NCAM1: variants seen among roughly 807,000 people sequenced by gnomAD.
NCAM1 encodes neural cell adhesion molecule 1.
In NCAM1, 14 loss-of-function variants were observed where a neutral mutation model predicts 109.8. The observed-to-expected ratio is 0.13, with a 90% CI of 0.08 to 0.20. The LOEUF is 0.20. Among genes scored for constraint, NCAM1 ranks in the 10% least tolerant of loss-of-function variants. The pLI is 1.00. For synonymous variants in NCAM1, 418 were observed against 442.9 expected (o/e 0.94, Z 0.70); for missense variants, 774 against 1,109.9 (o/e 0.70, Z 4.30).
chr11:112,995,580 G>A (rs1436987586), intron 1 of NCAM1, among the ~76,000 whole-genome samples: 2 of 152,172 alleles, frequency 1.3e-5, no homozygotes, highest in African/African-American at 4.8e-5. Flanking sequence ...GTGCTATTTT[G>A]AGCAGAGATT....
intron 1 of NCAM1, among the ~76,000 whole-genome samples, chr11:113,012,855 C>T (rs1381630892): frequency 2.6e-5 from 4 of 152,108 alleles, no homozygotes; most frequent in Admixed American, 2.0e-4. Context: ...TTTGGGAGAA[C>T]ATTATTCAAC....
intron 14 of NCAM1, among the ~76,000 whole-genome samples, chr11:113,242,258 A>G (rs551175967): frequency 9.1e-4 from 139 of 152,338 alleles, no homozygotes; most frequent in Non-Finnish European, 1.7e-3. Context: ...CTCTTGCTGC[A>G]TGAAAGTCAT....
intron 8 of NCAM1, among the ~76,000 whole-genome samples, chr11:113,220,671 G>A (rs1463498221): frequency 4.4e-5 from 6 of 137,348 alleles, no homozygotes; most frequent in Non-Finnish European, 7.6e-5. Context: ...GCAGTGGTGC[G>A]ATCTCGCTCA....
At chr11:113,101,122 A>G (rs1939856333) in intron 1 of NCAM1, among the ~76,000 whole-genome samples, 1 of 151,962 alleles carries the variant, frequency 6.6e-6, no homozygotes, top group South Asian at 2.1e-4. Flanking sequence ...TTCTTGGGAG[A>G]GTTAAGGAAG....
intron 1 of NCAM1, among the ~76,000 whole-genome samples, chr11:113,097,409 G>T (rs1939649723): frequency 6.6e-6 from 1 of 152,168 alleles, no homozygotes; most frequent in Non-Finnish European, 1.5e-5. Flanking sequence ...TACCAAGGTA[G>T]AAATTGAGTA....
rs1423949391 is a variant in NCAM1, at chr11:113,276,590, A to G, written c.*1203A>G. On this transcript the variant is annotated 3_prime_UTR_variant, in exon 20 of 20. Coordinates refer to ENST00000316851, the MANE Select transcript of NCAM1 (RefSeq NM_181351.5). ...TTGTGTAGAAAGCCAAATAAAATCT[A>G]TACATACCATTTCCTTTTGAGCCCA... is the stretch of plus-strand genomic sequence containing the variant. 6.6e-6 allele frequency: 1 copy of G among 152,658 alleles called. No individual in the cohort carries two copies. Among genetic ancestry groups the G allele is most frequent in the East Asian group, 1.9e-4 (1 of 5,204 alleles). 9.5% of individuals were successfully genotyped at this position (152,658 alleles called of 1,614,324 possible).
At chr11:113,235,467 G>C (rs1363770499) in intron 14 of NCAM1, among the ~76,000 whole-genome samples, 1 of 152,210 alleles carries the variant, frequency 6.6e-6, no homozygotes, top group Non-Finnish European at 1.5e-5. Context: ...AGAAAACCAG[G>C]AGTGAGTTGT....
intron 1 of NCAM1, among the ~76,000 whole-genome samples, chr11:113,176,715 G>GT (rs1185034114): frequency 9.9e-5 from 15 of 151,798 alleles, no homozygotes; most frequent in African/African-American, 3.4e-4. Context: ...CTCATTGTTT[G>GT]TTTTTTTCTG....
At chr11:113,241,707 C>T (rs369075547) in intron 14 of NCAM1, among the ~76,000 whole-genome samples, 7 of 152,202 alleles carry the variant, frequency 4.6e-5, no homozygotes, top group East Asian at 1.9e-4. Flanking sequence ...AGTTTTGAAC[C>T]TAGCTTTCCA....
chr11:113,229,965 G>A (rs1171137587), intron 9 of NCAM1, among the ~76,000 whole-genome samples: 2 of 152,058 alleles, frequency 1.3e-5, no homozygotes, highest in Non-Finnish European at 2.9e-5. Flanking sequence ...GATAGCATTA[G>A]CAGATATACC....
intron 1 of NCAM1, among the ~76,000 whole-genome samples, chr11:113,079,575 A>C (rs1938693271): frequency 6.6e-6 from 1 of 152,240 alleles, no homozygotes; most frequent in Non-Finnish European, 1.5e-5. Context: ...TAATGTGAAC[A>C]TGAAGGTAAT....
At position 113,274,014 on chromosome 11, in the gene NCAM1, C is replaced by A. The variant is rs1555126070; in HGVS notation, c.2457-1253C>A. On this transcript the variant is annotated intron_variant, in intron 19 of 19. Coordinates refer to ENST00000316851, the MANE Select transcript of NCAM1 (RefSeq NM_181351.5). This position sits in a 1 kb window ranked among gnomAD's most constrained non-coding sequence, Gnocchi z 4.1. ...GCGGCTTCTGTTTTCCCTGGGGGAG[C>A]CCTTGCAGTCAGGCCACTGATGAGA... 2.6e-5 allele frequency: 4 copies of A among 155,468 alleles called. No individual in the cohort carries two copies. The allele number at this position is 155,468 out of a possible 1,614,324, so 9.6% of individuals were successfully genotyped here.
intron 16 of NCAM1, 87 bp downstream of exon 16, chr11:113,256,088 G>A: frequency 6.7e-7 from 1 of 1,501,944 alleles, no homozygotes; most frequent in Non-Finnish European, 9.0e-7. Context: ...AGCCCACGGG[G>A]CAGGGGTGGG....
At chr11:113,072,087 G>C (rs782033209) in intron 1 of NCAM1, among the ~76,000 whole-genome samples, 29 of 152,178 alleles carry the variant, frequency 1.9e-4, no homozygotes, top group Admixed American at 4.6e-4. Flanking sequence ...GGAGGTTGCA[G>C]TGAGCTGAGA....
intron 1 of NCAM1, among the ~76,000 whole-genome samples, chr11:113,152,003 A>G (rs1369658895): frequency 6.6e-6 from 1 of 152,180 alleles, no homozygotes; most frequent in Non-Finnish European, 1.5e-5. Context: ...CTCTAAGTGC[A>G]TAAAACTTGC....
At chr11:113,082,163 A>C (rs1938852592) in intron 1 of NCAM1, among the ~76,000 whole-genome samples, 1 of 152,222 alleles carries the variant, frequency 6.6e-6, no homozygotes, top group Non-Finnish European at 1.5e-5. Context: ...TTGTAAGACC[A>C]GTTGGTACTT....
In NCAM1 at chr11:113,232,327, C is replaced by T; in HGVS notation, c.1398C>T (p.Tyr466=). 1.2e-6 allele frequency: 2 copies of T among 1,612,368 alleles called. No homozygotes were observed. The highest frequency in any genetic ancestry group is 1.7e-6 in the Non-Finnish European group (2 of 1,179,046). Residue 466 remains tyrosine, a synonymous_variant, in exon 11 of 20, where the codon TAC becomes TAT. Transcript: ENST00000316851. ...PSSNYSNIKI[Y]NTPSASYLEV... is the part of the protein sequence containing the mutation. Reference sequence around the variant, plus strand: ...CCAATTACAGCAATATCAAGATCTACAACACCCCCTCTGCCAGCTATCTGG... The same window carrying T: ...CCAATTACAGCAATATCAAGATCTATAACACCCCCTCTGCCAGCTATCTGG...
intron 1 of NCAM1, among the ~76,000 whole-genome samples, chr11:112,979,317 C>T (rs1951090124): frequency 6.6e-6 from 1 of 151,470 alleles, no homozygotes; most frequent in African/African-American, 2.4e-5. Context: ...CAAAATATTA[C>T]TGATGTACTT....
At chr11:112,987,974 G>C (rs572426246) in intron 1 of NCAM1, among the ~76,000 whole-genome samples, 3 of 151,954 alleles carry the variant, frequency 2.0e-5, no homozygotes, top group Non-Finnish European at 4.4e-5. Flanking sequence ...TACTTCTCTT[G>C]CTTTCTTCCT....
Sources: allele counts gnomAD v4.1 joint callset (sites outside exome capture counted in the v4.1 genomes callset), GRCh38; gene constraint gnomAD v4.1.1; non-coding constraint Gnocchi (gnomAD v3.1); transcripts MANE v1.5; gene names NCBI Gene and HGNC (gene_info 2026-07-23, HGNC 2026-07-21).